Variants in LAMA2 observed in about 807,000 individuals in gnomAD.
LAMA2 encodes laminin subunit alpha 2, also known as laminin subunit alpha-2.
A neutral mutation model predicts 364.8 loss-of-function variants in LAMA2; 269 were observed. The ratio of observed to expected loss-of-function variants is 0.74; its 90% confidence interval spans 0.67 to 0.82. The LOEUF is 0.82. Among genes scored for constraint, LAMA2 ranks in the 40% least tolerant of loss-of-function variants. The pLI, the probability that LAMA2 is intolerant of heterozygous loss-of-function variation, is 0.00. For synonymous variants in LAMA2, 1,379 were observed against 1,370.6 expected (o/e 1.01, Z -0.14); for missense variants, 3,807 against 3,873.2 (o/e 0.98, Z 0.45).
At chr6:129,353,888 A>G (rs927254219) in intron 32 of LAMA2, among the ~76,000 whole-genome samples, 1 of 152,226 alleles carries the variant, frequency 6.6e-6, no homozygotes, top group Non-Finnish European at 1.5e-5. Context: ...ATTTTTACTC[A>G]CGTACAGTAA....
intron 1 of LAMA2, among the ~76,000 whole-genome samples, chr6:129,032,531 A>G (rs913076909): frequency 6.6e-6 from 1 of 152,208 alleles, no homozygotes; most frequent in Non-Finnish European, 1.5e-5. Flanking sequence ...TATTCGTTGA[A>G]TGTGATCAGA....
chr6:129,172,758 C>G (rs937004092), intron 9 of LAMA2, among the ~76,000 whole-genome samples: 2 of 152,198 alleles, frequency 1.3e-5, no homozygotes, highest in African/African-American at 4.8e-5. Context: ...AATGGCGGCG[C>G]CCCTCCCCCA....
chr6:129,183,052 TATC>T (rs1174023620), intron 10 of LAMA2, among the ~76,000 whole-genome samples: 2 of 152,018 alleles, frequency 1.3e-5, no homozygotes, highest in African/African-American at 4.8e-5. Context: ...TAATGAATAT[TATC>T]ATCATTATAT....
intron 40 of LAMA2, among the ~76,000 whole-genome samples, chr6:129,417,782 G>T (rs1461588505): frequency 6.6e-6 from 1 of 152,166 alleles, no homozygotes; most frequent in Non-Finnish European, 1.5e-5. Context: ...AAGATAGTAG[G>T]GGGCTAGAGT....
At chr6:129,354,266 A>G (rs924389998) in intron 32 of LAMA2, among the ~76,000 whole-genome samples, 1 of 152,186 alleles carries the variant, frequency 6.6e-6, no homozygotes, top group Non-Finnish European at 1.5e-5. Flanking sequence ...CTAAAGCTGG[A>G]TTAAAAAATA....
At chr6:128,969,878 G>T (rs1315705495) in intron 1 of LAMA2, among the ~76,000 whole-genome samples, 1 of 152,178 alleles carries the variant, frequency 6.6e-6, no homozygotes, top group Non-Finnish European at 1.5e-5. Context: ...TAAATCTAAT[G>T]TTGTGTGAAG....
chr6:129,095,845 C>T (rs925629754), intron 3 of LAMA2, among the ~76,000 whole-genome samples: 1 of 151,742 alleles, frequency 6.6e-6, no homozygotes, highest in Non-Finnish European at 1.5e-5. Flanking sequence ...ATTGCTTGAA[C>T]CTGGGAGGCA....
intron 4 of LAMA2, among the ~76,000 whole-genome samples, chr6:129,140,142 G>A (rs555474261): frequency 3.0e-4 from 45 of 152,174 alleles, no homozygotes; most frequent in African/African-American, 9.9e-4. Flanking sequence ...TCGTCTATAC[G>A]AGAAATCTAA....
At chr6:129,477,107 C>A (rs2784892) in intron 53 of LAMA2, among the ~76,000 whole-genome samples, 43,459 of 152,052 alleles carry the variant, frequency 0.29, 7,058 homozygotes, top group African/African-American at 0.44. Flanking sequence ...ATGCTGATTA[C>A]CACCACATAA....
At chr6:128,889,348 GAAATTTGA>G (rs1776318378) in intron 1 of LAMA2, among the ~76,000 whole-genome samples, 3 of 152,076 alleles carry the variant, frequency 2.0e-5, no homozygotes. Flanking sequence ...TTTATGATAT[GAAATTTGA>G]AATGCTACCT....
chr6:129,487,118 C>G (rs1465923809), intron 56 of LAMA2, among the ~76,000 whole-genome samples: 1 of 152,160 alleles, frequency 6.6e-6, no homozygotes, highest in Admixed American at 6.5e-5. Context: ...GTCCCTGTCC[C>G]CCTTCCCAAG....
At chr6:129,205,174 C>T (rs1030111910) in intron 12 of LAMA2, among the ~76,000 whole-genome samples, 3 of 151,444 alleles carry the variant, frequency 2.0e-5, no homozygotes, top group African/African-American at 4.9e-5. Context: ...TGGATCACGA[C>T]GTCAGGAGAT....
At chr6:128,940,938 A>G (rs767833779) in intron 1 of LAMA2, among the ~76,000 whole-genome samples, 1 of 152,168 alleles carries the variant, frequency 6.6e-6, no homozygotes, top group Non-Finnish European at 1.5e-5. Context: ...GTGACAGAGC[A>G]AGAGCCTGTC....
At position 129,177,695 on chromosome 6, in the gene LAMA2, T is replaced by C. The variant is rs1780682070; in HGVS notation, c.1307-11T>C. The C allele has an allele frequency of 1.2e-6, 2 of 1,613,730 alleles. No homozygotes were observed. Among genetic ancestry groups the C allele is most frequent in the Non-Finnish European group, 1.7e-6 (2 of 1,179,682 alleles). On this transcript the variant is annotated splice_polypyrimidine_tract_variant and intron_variant, in intron 9 of 64. Coordinates refer to ENST00000421865, the MANE Select transcript of LAMA2 (RefSeq NM_000426.4). ...TTTAGAAATGTTGATATGTGGCTCA[T>C]CTTTCTTTAGGTTTGGCACCTGGAT...
intron 63 of LAMA2, 110 bp from the exon 64 acceptor site, chr6:129,514,263 A>G: frequency 2.3e-6 from 2 of 853,832 alleles, no homozygotes; most frequent in Admixed American, 2.0e-5. Flanking sequence ...ATCCATTTCA[A>G]ATGATTCTGG....
At chr6:129,034,107 G>A (rs958912585) in intron 1 of LAMA2, among the ~76,000 whole-genome samples, 1 of 152,096 alleles carries the variant, frequency 6.6e-6, no homozygotes, top group African/African-American at 2.4e-5. Context: ...CAGAAGCAGG[G>A]TATAGTATGA....
intron 3 of LAMA2, among the ~76,000 whole-genome samples, chr6:129,081,508 ATCT>A (rs1231287978): frequency 2.0e-5 from 3 of 152,194 alleles, no homozygotes; most frequent in African/African-American, 4.8e-5. Context: ...AATTTAAGTA[ATCT>A]TCTTTTAAGA....
intron 30 of LAMA2, among the ~76,000 whole-genome samples, chr6:129,345,132 A>G (rs1776472449): frequency 6.6e-6 from 1 of 152,164 alleles, no homozygotes; most frequent in Non-Finnish European, 1.5e-5. Context: ...TTCTGGGCCA[A>G]TGGACCCCTC....
intron 12 of LAMA2, among the ~76,000 whole-genome samples, chr6:129,226,191 A>G (rs569361684): frequency 4.1e-4 from 62 of 152,112 alleles, no homozygotes; most frequent in African/African-American, 1.4e-3. Context: ...TCCTTGGTAG[A>G]TCTTCCTCCA....
Sources: allele counts gnomAD v4.1 joint callset (sites outside exome capture counted in the v4.1 genomes callset), GRCh38; gene constraint gnomAD v4.1.1; transcripts MANE v1.5; gene names NCBI Gene and HGNC (gene_info 2026-07-23, HGNC 2026-07-21).